The following EFHD1 variants were observed in gnomAD, a reference collection of about 807,000 sequenced individuals.
The protein encoded by EFHD1 is EF-hand domain family member D1, also known as EF-hand domain-containing protein D1.
A neutral mutation model predicts 17.2 loss-of-function variants in EFHD1; 10 were observed. That is an observed-to-expected ratio of 0.58 (90% confidence interval 0.36 to 0.99). The LOEUF is 0.99. Among genes scored for constraint, EFHD1 ranks in the 50% least tolerant of loss-of-function variants. The probability of loss-of-function intolerance (pLI) is 0.01; values close to 1 mark genes in which losing one functional copy is unlikely to be tolerated. For missense variants in EFHD1, 310 were observed against 327.5 expected (o/e 0.95, Z 0.41); for synonymous variants, 153 against 142.0 (o/e 1.08, Z -0.55).
intron 1 of EFHD1, among the ~76,000 whole-genome samples, chr2:232,647,911 A>C (rs1694564666): frequency 6.6e-6 from 1 of 152,058 alleles, no homozygotes; most frequent in East Asian, 1.9e-4. Flanking sequence ...TGCTGGGATT[A>C]CAGGCATGAG....
intron 1 of EFHD1, among the ~76,000 whole-genome samples, chr2:232,612,740 T>C (rs1693833221): frequency 1.3e-5 from 2 of 150,786 alleles, no homozygotes; most frequent in Admixed American, 1.3e-4. Flanking sequence ...TTTTCTTTTT[T>C]TTTTTTTTTT....
chr2:232,638,495 C>CGT (rs1694361197), intron 1 of EFHD1: 1 of 470,438 alleles, frequency 2.1e-6, no homozygotes, highest in Non-Finnish European at 4.4e-6. Context: ...GTGAGGCTGT[C>CGT]GTGGAATTCT....
chr2:232,658,921 T>TA (rs918760746), intron 1 of EFHD1, among the ~76,000 whole-genome samples: 7 of 152,170 alleles, frequency 4.6e-5, no homozygotes, highest in African/African-American at 1.4e-4. Flanking sequence ...AGCTGTTTTT[T>TA]AAAAAAAACT....
At position 232,676,842 on chromosome 2, in the gene EFHD1, A is replaced by G. The variant is rs186355622; in HGVS notation, c.585+4399A>G. ...AAATGCTATTTTGGAGTACAGGAGC[A>G]GTTTTTAGAAGAGATTAGGCTGGGT... On this transcript the variant is annotated intron_variant, in intron 3 of 3. Coordinates refer to ENST00000264059, the MANE Select transcript of EFHD1 (RefSeq NM_025202.4). 6.3e-3 allele frequency among the ~76,000 whole-genome samples: 954 copies of G among 152,152 alleles called. 6 individuals are homozygous for G. Among genetic ancestry groups the G allele is most frequent in the African/African-American group, 0.022 (903 of 41,496 alleles).
chr2:232,678,162 C>T (rs974283859), intron 3 of EFHD1, among the ~76,000 whole-genome samples: 1 of 151,062 alleles, frequency 6.6e-6, no homozygotes, highest in Non-Finnish European at 1.5e-5. Flanking sequence ...GTGTACCTGT[C>T]ATCCCAGCTA....
intron 1 of EFHD1, among the ~76,000 whole-genome samples, chr2:232,614,148 A>C (rs1245654759): frequency 6.6e-6 from 1 of 151,408 alleles, no homozygotes; most frequent in African/African-American, 2.4e-5. Context: ...ATACATATAC[A>C]CACACACATT....
intron 2 of EFHD1, among the ~76,000 whole-genome samples, chr2:232,666,530 C>T (rs532027933): frequency 2.6e-5 from 4 of 152,342 alleles, no homozygotes; most frequent in East Asian, 3.9e-4. Flanking sequence ...ATTCCGCCTT[C>T]TGCCCTGTTG....
At chr2:232,613,255 C>T (rs1574698097) in intron 1 of EFHD1, among the ~76,000 whole-genome samples, 1 of 152,016 alleles carries the variant, frequency 6.6e-6, no homozygotes, top group East Asian at 1.9e-4. Flanking sequence ...GAAATCCTGT[C>T]TCTACTAAAA....
At chr2:232,642,883 A>T (rs1161555650) in intron 1 of EFHD1, among the ~76,000 whole-genome samples, 1 of 152,122 alleles carries the variant, frequency 6.6e-6, no homozygotes, top group African/African-American at 2.4e-5. Flanking sequence ...TTCTGCCTGT[A>T]TTACTTGGGA....
intron 3 of EFHD1, among the ~76,000 whole-genome samples, chr2:232,673,867 A>G (rs1199860171): frequency 2.8e-5 from 4 of 142,700 alleles, no homozygotes; most frequent in Non-Finnish European, 6.2e-5. Context: ...TGCACATTTT[A>G]TATTTTTCCC....
upstream of EFHD1, chr2:232,633,417 C>A: frequency 8.6e-7 from 1 of 1,168,896 alleles, no homozygotes. Context: ...CCGCCCGGAG[C>A]CGCGGGGAGA....
At chr2:232,636,404 G>A (rs1415915269) in intron 1 of EFHD1, among the ~76,000 whole-genome samples, 1 of 152,248 alleles carries the variant, frequency 6.6e-6, no homozygotes, top group Admixed American at 6.5e-5. Flanking sequence ...CTGCCATGTG[G>A]GGTTATTGTG....
intron 1 of EFHD1, among the ~76,000 whole-genome samples, chr2:232,625,940 C>T (rs1694097798): frequency 6.6e-6 from 1 of 152,124 alleles, no homozygotes; most frequent in Non-Finnish European, 1.5e-5. Flanking sequence ...CCTGTAATCC[C>T]AGCATTTTGG....
At chr2:232,667,536 A>T (rs190088135) in intron 2 of EFHD1, among the ~76,000 whole-genome samples, 371 of 150,574 alleles carry the variant, frequency 2.5e-3, no homozygotes, top group Middle Eastern at 7.0e-3. Flanking sequence ...TTAATTAATT[A>T]ATTAATTTAT....
intron 1 of EFHD1, among the ~76,000 whole-genome samples, chr2:232,647,651 T>TTTTTTGTTG (rs1017505025): frequency 6.6e-6 from 1 of 151,740 alleles, no homozygotes; most frequent in Admixed American, 6.6e-5. Flanking sequence ...AACTTTTTTT[T>TTTTTTGTTG]TTGAGACGGA....
intron 1 of EFHD1, among the ~76,000 whole-genome samples, chr2:232,657,886 T>G (rs1694790536): frequency 6.8e-6 from 1 of 146,816 alleles, no homozygotes. Context: ...GACCTTGCAT[T>G]TTTCTTTCTT....
At position 232,662,947 on chromosome 2, in the gene EFHD1, G is replaced by A. The variant is rs1383315835; in HGVS notation, c.448G>A (p.Glu150Lys). 1.3e-6 allele frequency: 2 copies of A among 1,582,500 alleles called. No homozygotes were observed. The highest frequency in any genetic ancestry group is 4.8e-5 in the East Asian group (2 of 41,970). The change falls in exon 2 of 4, where the codon GAG becomes AAG. Residue 150 changes from glutamate to lysine, a missense_variant and splice_region_variant. Transcript: ENST00000264059. Reference sequence around the variant, plus strand: ...CTTCGATGGCAAGCTCAGCTTCCGGGAGGTACCTGCCTGCTGTGGCCCTGA... The same window carrying A: ...CTTCGATGGCAAGCTCAGCTTCCGGAAGGTACCTGCCTGCTGTGGCCCTGA... ...EDFDGKLSFREFLLIFHKAAA... is the reference protein window; with the variant it reads ...EDFDGKLSFRKFLLIFHKAAA...
chr2:232,607,690 G>C (rs1051899499), intron 1 of EFHD1, among the ~76,000 whole-genome samples: 2 of 152,020 alleles, frequency 1.3e-5, no homozygotes, highest in Non-Finnish European at 2.9e-5. Flanking sequence ...CAGCATCAAG[G>C]CTGCAGTGAG....
intron 1 of EFHD1, among the ~76,000 whole-genome samples, chr2:232,653,109 T>C (rs1297720957): frequency 2.0e-5 from 3 of 152,146 alleles, no homozygotes; most frequent in Non-Finnish European, 2.9e-5. Context: ...TTCTTCTGCC[T>C]CAGCCTCCTG....
Sources: allele counts gnomAD v4.1 joint callset (sites outside exome capture counted in the v4.1 genomes callset), GRCh38; gene constraint gnomAD v4.1.1; transcripts MANE v1.5; gene names NCBI Gene and HGNC (gene_info 2026-07-23, HGNC 2026-07-21).